The following TMEM182 variants were observed in gnomAD, a reference collection of about 807,000 sequenced individuals.
The protein encoded by TMEM182 is transmembrane protein 182.
A neutral mutation model predicts 26.8 loss-of-function variants in TMEM182; 20 were observed. That is an observed-to-expected ratio of 0.75 (90% CI 0.53 to 1.09). The LOEUF (loss-of-function observed/expected upper bound fraction) is 1.09. Among genes scored for constraint, TMEM182 ranks in the 50% least tolerant of loss-of-function variants. TMEM182 has a pLI of 0.00. For missense variants in TMEM182, 277 were observed against 275.5 expected (o/e 1.01, Z -0.04); for synonymous variants, 109 against 102.2 (o/e 1.07, Z -0.40).
At position 102,814,914 on chromosome 2, in the gene TMEM182, G is replaced by C; in HGVS notation, c.636G>C (p.Leu212Phe). 1 of 1,613,752 alleles carries C rather than the reference G, an allele frequency of 6.2e-7. No individual in the cohort carries two copies. The highest frequency in any genetic ancestry group is 8.5e-7 in the Non-Finnish European group (1 of 1,179,916). The change falls in exon 5 of 5, where the codon TTG becomes TTC. Residue 212 changes from leucine to phenylalanine, a missense_variant. By Grantham distance (22) the Leu-to-Phe change is conservative (BLOSUM62 0). Coordinates refer to ENST00000412401, the MANE Select transcript of TMEM182 (RefSeq NM_144632.5). ...CCCCAGCTGGGATATTTTTTTCTTT[G>C]CTAGCTGGATTACTATTTCTGGTTG... ...FLAPAGIFFS[L>F]LAGLLFLVVG...
At chr2:102,791,204 G>T (rs1681620193) in intron 3 of TMEM182, among the ~76,000 whole-genome samples, 1 of 152,102 alleles carries the variant, frequency 6.6e-6, no homozygotes, top group Non-Finnish European at 1.5e-5. Flanking sequence ...CCAAAGTGCT[G>T]GGATTACAGG....
intron 3 of TMEM182, among the ~76,000 whole-genome samples, chr2:102,789,462 A>G (rs921318660): frequency 2.0e-5 from 3 of 152,152 alleles, no homozygotes; most frequent in Non-Finnish European, 4.4e-5. Context: ...TCTTAACAGA[A>G]CAAACTGGTT....
chr2:102,771,893 C>G (rs887138272), intron 3 of TMEM182, among the ~76,000 whole-genome samples: 1 of 152,182 alleles, frequency 6.6e-6, no homozygotes, highest in Non-Finnish European at 1.5e-5. Context: ...GTTATGATAA[C>G]TAAAAATGCC....
At chr2:102,828,652 C>T (rs1289690892) in intron 3 of TMEM182, among the ~76,000 whole-genome samples, 1 of 152,090 alleles carries the variant, frequency 6.6e-6, no homozygotes, top group African/African-American at 2.4e-5. Context: ...TTTCTGGGGC[C>T]CTGGGCTTTT....
At chr2:102,797,686 C>A in intron 3 of TMEM182, 177 bp from the exon 4 acceptor site, 1 of 688,428 alleles carries the variant, frequency 1.5e-6, no homozygotes, top group Non-Finnish European at 2.3e-6. Context: ...ATCACTGATT[C>A]CAAGGTCATC....
intron 1 of TMEM182, among the ~76,000 whole-genome samples, chr2:102,751,307 C>T (rs1241338405): frequency 1.3e-5 from 2 of 152,096 alleles, no homozygotes; most frequent in Admixed American, 6.5e-5. Flanking sequence ...CCAGGTATGA[C>T]GTTTACATAG....
At chr2:102,802,463 C>G (rs1682184893) in intron 4 of TMEM182, among the ~76,000 whole-genome samples, 2 of 152,194 alleles carry the variant, frequency 1.3e-5, no homozygotes, top group Non-Finnish European at 2.9e-5. Flanking sequence ...TAGTCATTGT[C>G]AGGACATTGA....
At chr2:102,760,817 T>C (rs182600636), upstream of TMEM182, among the ~76,000 whole-genome samples, 110 of 152,176 alleles carry the variant, frequency 7.2e-4, no homozygotes, top group African/African-American at 2.4e-3. Context: ...GGTTTCACCA[T>C]GTTGGCTAGG....
intron 4 of TMEM182, among the ~76,000 whole-genome samples, chr2:102,800,658 C>T (rs1682081679): frequency 6.8e-6 from 1 of 147,278 alleles, no homozygotes; most frequent in African/African-American, 2.5e-5. Flanking sequence ...TTTTTCCTTG[C>T]TTTTTTTTTT....
intron 3 of TMEM182, among the ~76,000 whole-genome samples, chr2:102,773,714 G>A (rs981961325): frequency 6.6e-6 from 1 of 152,088 alleles, no homozygotes; most frequent in East Asian, 1.9e-4. Flanking sequence ...CCAGCTTGTT[G>A]TATCATTAGC....
intron 3 of TMEM182, among the ~76,000 whole-genome samples, chr2:102,829,415 GGGTTGGGCAGTC>G (rs1683107346): frequency 6.6e-6 from 1 of 152,158 alleles, no homozygotes; most frequent in South Asian, 2.1e-4. Flanking sequence ...AAAGAAAGGT[GGGTTGGGCAGTC>G]AGGTTCTTCT....
chr2:102,740,138 G>T (rs1460850925), intron 1 of TMEM182, among the ~76,000 whole-genome samples: 1 of 152,176 alleles, frequency 6.6e-6, no homozygotes, highest in Non-Finnish European at 1.5e-5. Context: ...ATGGTGTACT[G>T]CATGTAACTA....
intron 4 of TMEM182, among the ~76,000 whole-genome samples, chr2:102,813,526 C>G (rs905130165): frequency 6.6e-6 from 1 of 152,174 alleles, no homozygotes; most frequent in Non-Finnish European, 1.5e-5. Context: ...AACAAGTGCT[C>G]TCAAGTAGAT....
At chr2:102,777,207 T>C (rs1437601190) in intron 3 of TMEM182, among the ~76,000 whole-genome samples, 1 of 152,112 alleles carries the variant, frequency 6.6e-6, no homozygotes, top group Non-Finnish European at 1.5e-5. Context: ...GTATTGTATA[T>C]AAAAAGTCAT....
At chr2:102,818,754 C>CTATA (rs1558790571), downstream of TMEM182, among the ~76,000 whole-genome samples, 1 of 141,752 alleles carries the variant, frequency 7.1e-6, no homozygotes. Context: ...TCCTATCTAT[C>CTATA]TATCTATCTA....
intron 4 of TMEM182, among the ~76,000 whole-genome samples, chr2:102,814,289 ACTGT>A (rs1156476664): frequency 6.6e-6 from 1 of 152,168 alleles, no homozygotes; most frequent in African/African-American, 2.4e-5. Flanking sequence ...TCTGAAAACC[ACTGT>A]CTGTGTCTGT....
At chr2:102,757,984 C>G (rs1052603711), upstream of TMEM182, among the ~76,000 whole-genome samples, 11 of 152,144 alleles carry the variant, frequency 7.2e-5, no homozygotes, top group African/African-American at 2.4e-4. Flanking sequence ...AAATCCATCC[C>G]CATAATCCAA....
At chr2:102,786,919 T>A (rs1281850310) in intron 3 of TMEM182, among the ~76,000 whole-genome samples, 5 of 152,214 alleles carry the variant, frequency 3.3e-5, no homozygotes, top group African/African-American at 7.2e-5. Flanking sequence ...GTCTAGTGAC[T>A]GGCATTCAGT....
chr2:102,770,709 A>G (rs2104674083), intron 3 of TMEM182, among the ~76,000 whole-genome samples: 1 of 152,332 alleles, frequency 6.6e-6, no homozygotes, highest in East Asian at 1.9e-4. Context: ...GTGAGGAAGT[A>G]GAGACCTTTT....
Sources: allele counts gnomAD v4.1 joint callset (sites outside exome capture counted in the v4.1 genomes callset), GRCh38; gene constraint gnomAD v4.1.1; transcripts MANE v1.5; gene names NCBI Gene and HGNC (gene_info 2026-07-23, HGNC 2026-07-21).